Variants in ARPP21 observed in about 807,000 individuals in gnomAD.
ARPP21 encodes the protein cAMP regulated phosphoprotein 21.
Under a neutral mutation model 113.2 loss-of-function variants are expected in ARPP21, and 69 were observed. The observed-to-expected ratio is 0.61, with a 90% CI of 0.50 to 0.74. The LOEUF (loss-of-function observed/expected upper bound fraction) is 0.74. Among genes scored for constraint, ARPP21 ranks in the 30% least tolerant of loss-of-function variants. The pLI, the probability that ARPP21 is intolerant of heterozygous loss-of-function variation, is 0.00. For missense variants in ARPP21, 1,070 were observed against 1,037.4 expected, an observed-to-expected ratio of 1.03 and a Z score of -0.43; for synonymous variants, 368 against 375.5, an observed-to-expected ratio of 0.98 and a Z score of 0.23.
chr3:35,783,459 T>C (rs188065183), intron 19 of ARPP21, among the ~76,000 whole-genome samples: 24 of 152,238 alleles, frequency 1.6e-4, no homozygotes, highest in African/African-American at 5.8e-4. Flanking sequence ...TTGCCGCTCA[T>C]AGATGCCAGT....
At chr3:35,646,657 G>C (rs1257348510) in intron 1 of ARPP21, among the ~76,000 whole-genome samples, 1 of 152,086 alleles carries the variant, frequency 6.6e-6, no homozygotes, top group Non-Finnish European at 1.5e-5. Flanking sequence ...GCACATAGCT[G>C]TATTAAAATT....
rs114347972 is a variant in ARPP21, at chr3:35,782,981, C to T, written c.2138-9401C>T. On this transcript the variant is annotated intron_variant, in intron 19 of 20. Coordinates refer to ENST00000684406, the MANE Select transcript of ARPP21 (RefSeq NM_001385562.1). ...GTCACCGGTTTGTTTGTTTTTTTAA[C>T]CTAGGGTCTGCTGTCTTTTCTTCCT... Among the ~76,000 whole-genome samples, 914 of 152,026 alleles carry T rather than the reference C, an allele frequency of 6.0e-3. 13 individuals are homozygous for T. Among genetic ancestry groups the T allele is most frequent in the African/African-American group, 0.021 (872 of 41,488 alleles).
At chr3:35,792,784 C>T (rs78297747) in intron 20 of ARPP21, among the ~76,000 whole-genome samples, 1,649 of 152,298 alleles carry the variant, frequency 0.011, 10 homozygotes, top group Non-Finnish European at 0.014. Context: ...GAAGAAAATA[C>T]ATTAGTCTAC....
chr3:35,736,754 T>G (rs2094377268), intron 15 of ARPP21, among the ~76,000 whole-genome samples: 4 of 152,214 alleles, frequency 2.6e-5, no homozygotes, highest in Admixed American at 2.6e-4. Flanking sequence ...GGTAAATAAC[T>G]TGTGACTGAA....
At chr3:35,745,473 G>T (rs954707892) in intron 19 of ARPP21, among the ~76,000 whole-genome samples, 2 of 152,154 alleles carry the variant, frequency 1.3e-5, no homozygotes, top group African/African-American at 4.8e-5. Flanking sequence ...TTTTTATTAG[G>T]TTTGGTGCCA....
chr3:35,747,127 G>T (rs543368721), intron 19 of ARPP21, among the ~76,000 whole-genome samples: 17 of 152,230 alleles, frequency 1.1e-4, no homozygotes, highest in African/African-American at 3.6e-4. Flanking sequence ...GAGGCAGGTG[G>T]ATCACCTGAG....
chr3:35,742,835 T>G (rs2150848225), intron 18 of ARPP21, among the ~76,000 whole-genome samples: 1 of 152,280 alleles, frequency 6.6e-6, no homozygotes, highest in South Asian at 2.1e-4. Flanking sequence ...AGTTGTTATT[T>G]TAGAGAATAT....
chr3:35,692,760 G>A (rs2082617497), intron 9 of ARPP21, among the ~76,000 whole-genome samples: 2 of 151,504 alleles, frequency 1.3e-5, no homozygotes, highest in African/African-American at 4.8e-5. Context: ...AGCCAAATAT[G>A]GCTATTTACA....
chr3:35,687,912 C>T (rs373011061), intron 6 of ARPP21, 29 bp downstream of exon 6: 2 of 1,566,580 alleles, frequency 1.3e-6, no homozygotes. Flanking sequence ...CCTTAACTTA[C>T]TCAATTTGGG....
At chr3:35,772,139 A>T (rs1251146952) in intron 19 of ARPP21, among the ~76,000 whole-genome samples, 1 of 152,204 alleles carries the variant, frequency 6.6e-6, no homozygotes, top group African/African-American at 2.4e-5. Context: ...GAAATGTAAA[A>T]CTGATGAATT....
Position 35,687,745 on chromosome 3 carries a change from A to G in ARPP21, c.268A>G (p.Ile90Val). Reference sequence around the variant, plus strand: ...TATATTTTTTCCCCAACAGGAATCAATTCATTTACAGCTTTCCAGTTTTTC... The same window carrying G: ...TATATTTTTTCCCCAACAGGAATCAGTTCATTTACAGCTTTCCAGTTTTTC... ...GGESLQDQES[I>V]HLQLSSFSSL... Residue 90 changes from isoleucine to valine, a missense_variant, in exon 6 of 21, where the codon ATT (isoleucine) becomes GTT (valine). Physicochemically the swap from Ile to Val is conservative, Grantham distance 29. Transcript: ENST00000684406. 1.2e-6 allele frequency: 2 copies of G among 1,600,498 alleles called. No homozygotes were observed. The highest frequency in any genetic ancestry group is 1.1e-5 in the South Asian group (1 of 87,868).
intron 12 of ARPP21, among the ~76,000 whole-genome samples, chr3:35,716,439 A>G (rs1416245186): frequency 6.6e-6 from 1 of 152,112 alleles, no homozygotes; most frequent in East Asian, 1.9e-4. Context: ...TCATATTTGC[A>G]GTTGGAAATC....
At chr3:35,691,895 A>T (rs1403183419) in intron 9 of ARPP21, among the ~76,000 whole-genome samples, 1 of 151,552 alleles carries the variant, frequency 6.6e-6, no homozygotes, top group African/African-American at 2.4e-5. Context: ...ATGTTACTGA[A>T]GGGAGCTTTT....
intron 14 of ARPP21, among the ~76,000 whole-genome samples, chr3:35,726,107 T>C (rs568423700): frequency 1.3e-5 from 2 of 152,372 alleles, no homozygotes; most frequent in Admixed American, 6.5e-5. Flanking sequence ...ACAATTCTTA[T>C]AGAGAAACTA....
At chr3:35,754,882 A>G (rs1013612076) in intron 19 of ARPP21, among the ~76,000 whole-genome samples, 1 of 151,994 alleles carries the variant, frequency 6.6e-6, no homozygotes, top group Admixed American at 6.6e-5. Flanking sequence ...AAATTATAGC[A>G]TTATCTGTTT....
Position 35,743,965 on chromosome 3 carries a change from G to C in ARPP21, c.2137G>C (p.Gly713Arg). ...GATGCCACAGGCAGCACAGCAAGCA[G>C]GTACTTGGAATCTGTTTCCCATTTG... ...QQMPQAAQQA[G>R]YQPVLSGQQG... Residue 713 changes from glycine (G) to arginine (R), a missense_variant and splice_region_variant, in exon 19 of 21, where the codon GGT (glycine) becomes CGT (arginine). By Grantham distance (125) the Gly-to-Arg change is moderately radical. Transcript: ENST00000684406. The C allele has an allele frequency of 6.2e-7, 1 of 1,614,046 alleles. No homozygotes were observed. The highest frequency in any genetic ancestry group is 2.2e-5 in the East Asian group (1 of 44,868).
At chr3:35,706,601 C>A (rs1403729203) in intron 9 of ARPP21, among the ~76,000 whole-genome samples, 4 of 152,194 alleles carry the variant, frequency 2.6e-5, no homozygotes, top group Admixed American at 2.6e-4. Context: ...ATGTGTTACT[C>A]TCAAGTTCTA....
intron 1 of ARPP21, among the ~76,000 whole-genome samples, chr3:35,672,701 T>TGAACCAAGTTTTTGAACCAAGA (rs1158651561): frequency 6.6e-6 from 1 of 152,086 alleles, no homozygotes; most frequent in Non-Finnish European, 1.5e-5. Context: ...GAATCTTTTT[T>TGAACCAAGTTTTTGAACCAAGA]ACTACTTGGT....
intron 19 of ARPP21, among the ~76,000 whole-genome samples, chr3:35,787,980 T>A (rs533945005): frequency 6.6e-6 from 1 of 152,324 alleles, no homozygotes; most frequent in Non-Finnish European, 1.5e-5. Flanking sequence ...AGTTTAGTAA[T>A]ATTGACTGCC....
Sources: allele counts gnomAD v4.1 joint callset (sites outside exome capture counted in the v4.1 genomes callset), GRCh38; gene constraint gnomAD v4.1.1; transcripts MANE v1.5; gene names NCBI Gene and HGNC (gene_info 2026-07-23, HGNC 2026-07-21).